Variants in MAF observed in about 807,000 individuals in gnomAD.
MAF encodes MAF bZIP transcription factor.
MAF carries 10 observed loss-of-function variants against 22.0 expected under a neutral mutation model. The ratio of observed to expected loss-of-function variants is 0.45; its 90% CI spans 0.28 to 0.77. MAF has a LOEUF of 0.77. Among genes scored for constraint, MAF ranks in the 30% least tolerant of loss-of-function variants. The pLI is 0.12. For missense variants in MAF, 544 were observed against 548.4 expected (o/e 0.99, Z 0.08); for synonymous variants, 337 against 255.8 (o/e 1.32, Z -3.03).
At chr16:79,586,207 T>A (rs975964092) in intron 1 of MAF, among the ~76,000 whole-genome samples, 1 of 152,206 alleles carries the variant, frequency 6.6e-6, no homozygotes, top group Non-Finnish European at 1.5e-5. Flanking sequence ...GAGATAGCCA[T>A]AACCCACTGG....
the MAF span, chr16:79,211,963 A>G: frequency 6.5e-7 from 1 of 1,535,638 alleles, no homozygotes; most frequent in Non-Finnish European, 8.7e-7. Context: ...AATGGGAAGC[A>G]GGGAATTCCT....
chr16:79,550,608 G>T, the MAF span, among the ~76,000 whole-genome samples: 1 of 152,178 alleles, frequency 6.6e-6, no homozygotes, highest in Non-Finnish European at 1.5e-5. Context: ...CCACCTGGCA[G>T]ACAGGATCAT....
the MAF span, among the ~76,000 whole-genome samples, chr16:79,268,100 A>C: frequency 6.6e-6 from 1 of 151,958 alleles, no homozygotes; most frequent in South Asian, 2.1e-4. Context: ...CCACACAATA[A>C]ATCCCAAGAA....
chr16:79,364,516 T>C, the MAF span, among the ~76,000 whole-genome samples: 5 of 151,934 alleles, frequency 3.3e-5, no homozygotes, highest in Non-Finnish European at 5.9e-5. Flanking sequence ...TGAAGAAGAG[T>C]TTGGTTTTTA....
the MAF span, among the ~76,000 whole-genome samples, chr16:79,228,957 G>A: frequency 2.0e-5 from 3 of 151,768 alleles, no homozygotes; most frequent in African/African-American, 2.4e-5. Context: ...GGGGAATGAG[G>A]GGCCAAGATG....
At chr16:79,561,149 G>A in the MAF span, among the ~76,000 whole-genome samples, 1 of 152,042 alleles carries the variant, frequency 6.6e-6, no homozygotes, top group Admixed American at 6.5e-5. Flanking sequence ...TGGGCTCATG[G>A]GCACACATTT....
At chr16:79,458,850 A>G in the MAF span, among the ~76,000 whole-genome samples, 1 of 152,234 alleles carries the variant, frequency 6.6e-6, no homozygotes, top group Admixed American at 6.5e-5. Flanking sequence ...ATCACTGAGA[A>G]AAGTTTCTCC....
chr16:79,214,398 T>C, the MAF span, among the ~76,000 whole-genome samples: 1 of 152,278 alleles, frequency 6.6e-6, no homozygotes, highest in Admixed American at 6.5e-5. Context: ...ATTGTGACAA[T>C]GATCCCGAGC....
chr16:79,460,072 T>C, the MAF span, among the ~76,000 whole-genome samples: 219 of 152,288 alleles, frequency 1.4e-3, 2 homozygotes, highest in African/African-American at 5.1e-3. Context: ...TTTATCTTTT[T>C]ATTATTGCCT....
chr16:79,378,396 T>C, the MAF span, among the ~76,000 whole-genome samples: 1 of 152,328 alleles, frequency 6.6e-6, no homozygotes, highest in African/African-American at 2.4e-5. Flanking sequence ...ATTCTATTAT[T>C]ATAAAAATTA....
At chr16:79,419,091 G>T in the MAF span, among the ~76,000 whole-genome samples, 2 of 152,194 alleles carry the variant, frequency 1.3e-5, no homozygotes, top group African/African-American at 4.8e-5. Flanking sequence ...TCTAAATGTG[G>T]ACCAAACTCC....
the MAF span, among the ~76,000 whole-genome samples, chr16:79,528,667 A>G: frequency 0.047 from 7,181 of 152,154 alleles, 591 homozygotes; most frequent in African/African-American, 0.16. Context: ...AGAAAAAAAA[A>G]AAAAGAAAGG....
chr16:79,520,841 A>G, the MAF span, among the ~76,000 whole-genome samples: 5,567 of 152,184 alleles, frequency 0.037, 377 homozygotes, highest in African/African-American at 0.13. Flanking sequence ...TGGCATTGGC[A>G]AGGGAAGGGT....
chr16:79,346,276 GTTTGGTTTT>G, the MAF span, among the ~76,000 whole-genome samples: 1 of 150,380 alleles, frequency 6.6e-6, no homozygotes, highest in African/African-American at 2.5e-5. Context: ...AACATGCAGT[GTTTGGTTTT>G]CTGTCCTTGC....
the MAF span, among the ~76,000 whole-genome samples, chr16:79,277,315 G>C: frequency 6.6e-6 from 1 of 152,092 alleles, no homozygotes; most frequent in African/African-American, 2.4e-5. Context: ...TATGACTTTT[G>C]GGGGGTGCCC....
chr16:79,307,762 A>G, the MAF span, among the ~76,000 whole-genome samples: 1 of 152,310 alleles, frequency 6.6e-6, no homozygotes, highest in Non-Finnish European at 1.5e-5. Context: ...TAGATCTCAT[A>G]TAAGGAAAAT....
the MAF span, among the ~76,000 whole-genome samples, chr16:79,556,449 G>A: frequency 2.4e-4 from 37 of 152,234 alleles, no homozygotes; most frequent in East Asian, 6.6e-3. Context: ...TGCTTTTCAC[G>A]GTCCCTGGCC....
the MAF span, among the ~76,000 whole-genome samples, chr16:79,392,985 C>G: frequency 6.6e-6 from 1 of 152,204 alleles, no homozygotes. Context: ...GCCGCCCTCT[C>G]TTAAAAGAAC....
At chr16:79,425,687 G>C in the MAF span, among the ~76,000 whole-genome samples, 1 of 146,412 alleles carries the variant, frequency 6.8e-6, no homozygotes, top group African/African-American at 2.5e-5. Context: ...TTGAGACGGA[G>C]TCTCCCTCTT....
Sources: gnomAD v4.1 joint callset for allele counts (sites outside exome capture counted in the v4.1 genomes callset) on GRCh38, gnomAD v4.1.1 for gene constraint, MANE v1.5 for transcripts, NCBI Gene and HGNC (gene_info 2026-07-23, HGNC 2026-07-21) for gene names.